RTN1: variants seen among roughly 807,000 people sequenced by gnomAD.
RTN1 encodes reticulon-1.
RTN1 carries 25 observed loss-of-function variants against 65.5 expected under a neutral mutation model. The ratio of observed to expected loss-of-function variants is 0.38; its 90% CI spans 0.28 to 0.53. The LOEUF (loss-of-function observed/expected upper bound fraction) is 0.53. RTN1 is among the 20% of genes least tolerant of loss of function. The pLI is 0.79. For synonymous variants in RTN1, 471 were observed against 447.6 expected, an observed-to-expected ratio of 1.05 and a Z score of -0.66; for missense variants, 983 against 1,025.4, an observed-to-expected ratio of 0.96 and a Z score of 0.57.
intron 1 of RTN1, among the ~76,000 whole-genome samples, chr14:59,854,639 C>CAAAAA (rs552017689): frequency 5.9e-4 from 42 of 71,754 alleles, no homozygotes; most frequent in South Asian, 1.1e-3. Flanking sequence ...GACTGCGTCT[C>CAAAAA]AAAAAAAAAA....
rs1336238045 is a variant in RTN1, at chr14:59,749,269, T to C, written c.242-2788A>G. On this transcript the variant is annotated intron_variant, in intron 1 of 8. Transcript: ENST00000267484. ...ATATCTATATATCTATATATATCTATATATATATCTATATATATCTATATA... is the reference window on the plus strand; with the variant it reads ...ATATCTATATATCTATATATATCTACATATATATCTATATATATCTATATA... Among the ~76,000 whole-genome samples, 11 of 13,888 alleles carry C rather than the reference T, an allele frequency of 7.9e-4. 2 individuals carry two copies. Among genetic ancestry groups the C allele is most frequent in the African/African-American group, 5.3e-3 (10 of 1,874 alleles). The allele number at this position is 13,888 out of a possible 152,430, so 9.1% of individuals were successfully genotyped here.
In RTN1 at chr14:59,870,757, G is replaced by T; in HGVS notation, c.-127C>A. ...AGGGAAGCTGCGGTGTCTCAGCGTCGCCGCCGCCTCTGCTGCAACTCCGCC... is the reference window on the plus strand; with the variant it reads ...AGGGAAGCTGCGGTGTCTCAGCGTCTCCGCCGCCTCTGCTGCAACTCCGCC... On this transcript the variant is annotated 5_prime_UTR_variant, in exon 1 of 9. Coordinates refer to ENST00000267484, the MANE Select transcript of RTN1 (RefSeq NM_021136.3). The surrounding 1 kb of genome is among the most constrained non-coding windows in gnomAD (Gnocchi z 5.1). 1 of 1,056,618 alleles carries T rather than the reference G, an allele frequency of 9.5e-7. No homozygotes were observed. The highest frequency in any genetic ancestry group is 1.2e-6 in the Non-Finnish European group (1 of 824,422). The allele number at this position is 1,056,618 out of a possible 1,614,324, so 65.5% of individuals were successfully genotyped here.
At chr14:59,733,119 T>G (rs914035338) in intron 2 of RTN1, among the ~76,000 whole-genome samples, 1 of 149,764 alleles carries the variant, frequency 6.7e-6, no homozygotes, top group Non-Finnish European at 1.5e-5. Context: ...TGAGGCAGAG[T>G]CTCGCTTTGC....
intron 3 of RTN1, among the ~76,000 whole-genome samples, chr14:59,677,296 A>T (rs1883647535): frequency 6.6e-6 from 1 of 152,236 alleles, no homozygotes; most frequent in Non-Finnish European, 1.5e-5. Flanking sequence ...AGCCTTGAAC[A>T]GGCAGAGGCT....
intron 1 of RTN1, among the ~76,000 whole-genome samples, chr14:59,840,292 C>T (rs1244535074): frequency 6.6e-6 from 1 of 152,162 alleles, no homozygotes; most frequent in African/African-American, 2.4e-5. Context: ...CATTTATCCA[C>T]TCAGAAAGTT....
intron 3 of RTN1, among the ~76,000 whole-genome samples, chr14:59,714,101 G>A (rs1181317701): frequency 6.6e-6 from 1 of 152,090 alleles, no homozygotes; most frequent in East Asian, 1.9e-4. Flanking sequence ...CAGGCATGGT[G>A]GCAGGCGCCT....
chr14:59,661,471 T>A (rs1883246418), intron 3 of RTN1, among the ~76,000 whole-genome samples: 1 of 152,018 alleles, frequency 6.6e-6, no homozygotes, highest in Non-Finnish European at 1.5e-5. Flanking sequence ...GAGGCCAATA[T>A]CCCTGATGAA....
intron 3 of RTN1, among the ~76,000 whole-genome samples, chr14:59,626,496 G>C (rs1882403400): frequency 6.6e-6 from 1 of 152,184 alleles, no homozygotes; most frequent in African/African-American, 2.4e-5. Flanking sequence ...AATTTGTTGA[G>C]TACAGTGAGA....
intron 1 of RTN1, among the ~76,000 whole-genome samples, chr14:59,858,486 T>TC (rs1011872475): frequency 2.6e-5 from 4 of 151,880 alleles, no homozygotes; most frequent in Admixed American, 2.6e-4. Flanking sequence ...TTTTTTTTTT[T>TC]AGAAAGCCAA....
chr14:59,822,436 C>A (rs1000280729), intron 1 of RTN1, among the ~76,000 whole-genome samples: 1 of 152,094 alleles, frequency 6.6e-6, no homozygotes. Flanking sequence ...ATCTATCAAC[C>A]TTGTTTAATA....
rs999681949 is a variant in RTN1 at position 59,724,651 on chromosome 14, G to T, written c.1765+2268C>A. On this transcript the variant is annotated intron_variant, in intron 3 of 8. Coordinates refer to ENST00000267484, the MANE Select transcript of RTN1 (RefSeq NM_021136.3). Reference sequence around the variant, plus strand: ...AGGCCAAGGCAGGCGGATCGCCTAAGGTCAGGTTCAGTGAGCCAAGATCAC... The same window carrying T: ...AGGCCAAGGCAGGCGGATCGCCTAATGTCAGGTTCAGTGAGCCAAGATCAC... 7.2e-5 allele frequency among the ~76,000 whole-genome samples: 11 copies of T among 151,936 alleles called. 1 individual carries two copies. The highest frequency in any genetic ancestry group is 2.0e-4 in the Admixed American group (3 of 15,282).
At chr14:59,724,623 G>C (rs1279346146) in intron 3 of RTN1, among the ~76,000 whole-genome samples, 1 of 152,054 alleles carries the variant, frequency 6.6e-6, no homozygotes, top group Non-Finnish European at 1.5e-5. Flanking sequence ...CCAGCACTTT[G>C]GGAGGCCAAG....
rs1026698058 is a variant in RTN1 at position 59,816,974 on chromosome 14, G to A, written c.241+53416C>T. Among the ~76,000 whole-genome samples, 1 of 152,052 alleles carries A rather than the reference G, an allele frequency of 6.6e-6. No homozygotes were observed. The highest frequency in any genetic ancestry group is 6.5e-5 in the Admixed American group (1 of 15,268). On this transcript the variant is annotated intron_variant, in intron 1 of 8. Coordinates refer to ENST00000267484, the MANE Select transcript of RTN1 (RefSeq NM_021136.3). The surrounding 1 kb of genome is among the most constrained non-coding windows in gnomAD (Gnocchi z 4.3). ...TAAATAAAATACACAGTACCAATAA[G>A]GGTTGTTTTATGTACATCTTAAGGG... is the stretch of plus-strand genomic sequence containing the variant.
chr14:59,870,637 C>T lies in RTN1; in HGVS notation c.-7G>A. ...GATCCCCCGGCGCGGCCATGGCTGG[C>T]GGTCCCCCGGCGCGGCGACGGCGGC... On this transcript the variant is annotated 5_prime_UTR_variant, in exon 1 of 9. Transcript: ENST00000267484. The surrounding 1 kb of genome is among the most constrained non-coding windows in gnomAD (Gnocchi z 5.1). 2 of 1,378,132 alleles carry T rather than the reference C, an allele frequency of 1.5e-6. No homozygotes were observed. Among genetic ancestry groups the T allele is most frequent in the South Asian group, 1.7e-5 (1 of 59,420 alleles). The allele number at this position is 1,378,132 out of a possible 1,614,324, so 85.4% of individuals were successfully genotyped here. A position where few individuals can be genotyped will look rare whatever the true frequency, so the allele number is the denominator to read the frequency against.
At chr14:59,749,984 A>AC (rs1885406844) in intron 1 of RTN1, among the ~76,000 whole-genome samples, 2 of 85,682 alleles carry the variant, frequency 2.3e-5, no homozygotes, top group African/African-American at 5.0e-5. Context: ...TATATTATAT[A>AC]TTATATACAT....
intron 1 of RTN1, among the ~76,000 whole-genome samples, chr14:59,755,685 A>G (rs191187118): frequency 1.3e-5 from 2 of 152,330 alleles, no homozygotes; most frequent in East Asian, 3.9e-4. Context: ...AGGAACCTCT[A>G]TGTCACCTAG....
intron 1 of RTN1, among the ~76,000 whole-genome samples, chr14:59,838,662 T>C (rs1440455477): frequency 1.3e-5 from 2 of 152,184 alleles, no homozygotes; most frequent in East Asian, 1.9e-4. Context: ...CACGTATATA[T>C]GTCTGTATAT....
chr14:59,630,060 T>A (rs1882501857), intron 3 of RTN1, among the ~76,000 whole-genome samples: 1 of 152,090 alleles, frequency 6.6e-6, no homozygotes, highest in East Asian at 1.9e-4. Context: ...GATTTCAACC[T>A]TTGGGCAGAA....
At chr14:59,673,262 G>A (rs1056654162) in intron 3 of RTN1, among the ~76,000 whole-genome samples, 7 of 152,256 alleles carry the variant, frequency 4.6e-5, no homozygotes, top group South Asian at 4.1e-4. Flanking sequence ...TTTGTGTTCC[G>A]TGAGTGGGAG....
Sources: gnomAD v4.1 joint callset for allele counts (sites outside exome capture counted in the v4.1 genomes callset) on GRCh38, gnomAD v4.1.1 for gene constraint, Gnocchi (gnomAD v3.1) non-coding constraint, MANE v1.5 for transcripts, NCBI Gene and HGNC (gene_info 2026-07-23, HGNC 2026-07-21) for gene names.